Variants in CAST observed in about 807,000 individuals in gnomAD.
CAST encodes the protein MIR583 host.
A neutral mutation model predicts 119.6 loss-of-function variants in CAST; 76 were observed. The ratio of observed to expected loss-of-function variants is 0.64; its 90% CI spans 0.53 to 0.77. The LOEUF (loss-of-function observed/expected upper bound fraction) is 0.77. Ranked by LOEUF, CAST falls within the 30% of genes least tolerant of loss-of-function variation. The pLI is 0.00. For missense variants in CAST, 953 were observed against 946.5 expected (o/e 1.01, Z -0.09); for synonymous variants, 319 against 331.6 (o/e 0.96, Z 0.41).
chr5:96,297,643 A>G, the CAST span, among the ~76,000 whole-genome samples: 2 of 152,214 alleles, frequency 1.3e-5, no homozygotes, highest in African/African-American at 2.4e-5. Context: ...GGAATTAGAA[A>G]TATATCCTTT....
intron 19 of CAST, among the ~76,000 whole-genome samples, chr5:96,749,186 A>C (rs995138019): frequency 2.0e-5 from 3 of 152,194 alleles, no homozygotes; most frequent in African/African-American, 7.2e-5. Flanking sequence ...GATCAACTAA[A>C]GTCTTACTCA....
the CAST span, among the ~76,000 whole-genome samples, chr5:96,143,994 T>C: frequency 6.6e-6 from 1 of 152,220 alleles, no homozygotes; most frequent in Non-Finnish European, 1.5e-5. Context: ...ATACATATAC[T>C]TGGTAGGACG....
the CAST span, among the ~76,000 whole-genome samples, chr5:96,404,628 G>A: frequency 4.5e-4 from 69 of 152,110 alleles, no homozygotes; most frequent in East Asian, 4.8e-3. Context: ...TCAATCTTCC[G>A]AACCCTCCTT....
the CAST span, among the ~76,000 whole-genome samples, chr5:96,504,551 T>G: frequency 2.0e-5 from 3 of 152,192 alleles, no homozygotes; most frequent in South Asian, 4.2e-4. Context: ...ACCTAACGTG[T>G]TTTTTTGTTC....
chr5:96,498,431 G>C, the CAST span, among the ~76,000 whole-genome samples: 3 of 152,158 alleles, frequency 2.0e-5, no homozygotes, highest in African/African-American at 7.2e-5. Context: ...GGATGGCATT[G>C]AATCTATAAA....
chr5:96,754,812 T>G, intron 22 of CAST, 71 bp downstream of exon 22: 1 of 877,410 alleles, frequency 1.1e-6, no homozygotes, highest in Non-Finnish European at 1.9e-6. Flanking sequence ...CAAAGGTACT[T>G]GGGAACAGAA....
chr5:96,332,680 C>T, the CAST span, among the ~76,000 whole-genome samples: 1 of 152,170 alleles, frequency 6.6e-6, no homozygotes, highest in Admixed American at 6.5e-5. Context: ...TCTCTAGGTG[C>T]AAGTCAGGGG....
chr5:96,429,538 T>A, the CAST span, among the ~76,000 whole-genome samples: 1 of 152,168 alleles, frequency 6.6e-6, no homozygotes, highest in South Asian at 2.1e-4. Flanking sequence ...TTTGTACAGA[T>A]TATTTCATCA....
At chr5:96,771,899 A>AAC (rs1772510390) in intron 31 of CAST, 197 bp downstream of exon 31, 1 of 417,416 alleles carries the variant, frequency 2.4e-6, no homozygotes, top group East Asian at 3.6e-5. Flanking sequence ...TTGCTATTGA[A>AAC]ATGTTTAAAA....
the CAST span, among the ~76,000 whole-genome samples, chr5:96,118,507 C>G: frequency 1.9e-4 from 29 of 152,226 alleles, 3 homozygotes; most frequent in East Asian, 5.6e-3. Context: ...CAAAAGGAAG[C>G]CTTGTTGTCT....
chr5:96,307,650 G>A, the CAST span, among the ~76,000 whole-genome samples: 2 of 152,142 alleles, frequency 1.3e-5, no homozygotes, highest in African/African-American at 4.8e-5. Flanking sequence ...AGGCCTGGTG[G>A]TGACAAAATC....
At chr5:96,310,821 T>G in the CAST span, among the ~76,000 whole-genome samples, 1 of 151,478 alleles carries the variant, frequency 6.6e-6, no homozygotes, top group Non-Finnish European at 1.5e-5. Flanking sequence ...CTTTTTCTCT[T>G]GGTTAGTCTA....
At chr5:96,593,381 C>G (rs1204601972) in intron 1 of CAST, among the ~76,000 whole-genome samples, 1 of 152,216 alleles carries the variant, frequency 6.6e-6, no homozygotes, top group East Asian at 1.9e-4. Flanking sequence ...GTATTGCCAT[C>G]AGGACCCGTT....
chr5:96,023,900 T>G, the CAST span, among the ~76,000 whole-genome samples: 12 of 152,154 alleles, frequency 7.9e-5, no homozygotes, highest in East Asian at 1.9e-4. Flanking sequence ...GAAATTACTT[T>G]CCTTGTCTTT....
the CAST span, among the ~76,000 whole-genome samples, chr5:96,460,589 T>C: frequency 6.6e-6 from 1 of 150,464 alleles, no homozygotes; most frequent in African/African-American, 2.4e-5. Context: ...AACCCTCAAA[T>C]ATAAAGAATC....
chr5:95,996,338 C>G, the CAST span, among the ~76,000 whole-genome samples: 1 of 152,152 alleles, frequency 6.6e-6, no homozygotes, highest in African/African-American at 2.4e-5. Flanking sequence ...TTCAAGCTGT[C>G]GCTGCAAGGC....
At chr5:96,380,350 A>G in the CAST span, among the ~76,000 whole-genome samples, 1 of 152,196 alleles carries the variant, frequency 6.6e-6, no homozygotes, top group Admixed American at 6.5e-5. Context: ...ACCCTTGAAT[A>G]TATGCCTTTT....
At chr5:96,074,502 A>G in the CAST span, among the ~76,000 whole-genome samples, 106 of 152,342 alleles carry the variant, frequency 7.0e-4, no homozygotes, top group Non-Finnish European at 9.4e-4. Flanking sequence ...CCAGAAACCA[A>G]TTATGCTTGT....
the CAST span, among the ~76,000 whole-genome samples, chr5:96,243,184 T>G: frequency 1.3e-5 from 2 of 152,184 alleles, no homozygotes; most frequent in South Asian, 2.1e-4. Context: ...AACTGTTTTT[T>G]TTTTTTTTTC....
Sources: allele counts gnomAD v4.1 joint callset (sites outside exome capture counted in the v4.1 genomes callset), GRCh38; gene constraint gnomAD v4.1.1; transcripts MANE v1.5; gene names NCBI Gene and HGNC (gene_info 2026-07-23, HGNC 2026-07-21).